Variants in FAM78B observed in about 807,000 individuals in gnomAD.
FAM78B encodes the protein protein FAM78B.
Under a neutral mutation model 20.0 loss-of-function variants are expected in FAM78B, and 10 were observed. That is an observed-to-expected ratio of 0.50 (90% CI 0.31 to 0.85). The LOEUF (loss-of-function observed/expected upper bound fraction) is 0.85. FAM78B is among the 40% of genes least tolerant of loss of function. FAM78B has a pLI of 0.05. For missense variants in FAM78B, 283 were observed against 345.0 expected, an observed-to-expected ratio of 0.82 and a Z score of 1.42; for synonymous variants, 135 against 132.8, an observed-to-expected ratio of 1.02 and a Z score of -0.12.
At chr1:166,131,018 T>C (rs1654855060) in intron 1 of FAM78B, among the ~76,000 whole-genome samples, 1 of 150,240 alleles carries the variant, frequency 6.7e-6, no homozygotes, top group African/African-American at 2.5e-5. Context: ...ACAAGAGTCT[T>C]GTTCAACATG....
At chr1:166,135,412 A>G (rs1655032387) in intron 1 of FAM78B, among the ~76,000 whole-genome samples, 1 of 152,248 alleles carries the variant, frequency 6.6e-6, no homozygotes. Context: ...GGGAGATGGC[A>G]TAGCAGGAAG....
intron 1 of FAM78B, among the ~76,000 whole-genome samples, chr1:166,088,509 C>T (rs1652928486): frequency 6.6e-6 from 1 of 152,158 alleles, no homozygotes; most frequent in South Asian, 2.1e-4. Context: ...GAAGGCTCTC[C>T]TAGGCCTCAG....
chr1:166,117,572 T>C (rs147990093), intron 1 of FAM78B, among the ~76,000 whole-genome samples: 40 of 152,302 alleles, frequency 2.6e-4, no homozygotes, highest in African/African-American at 8.9e-4. Flanking sequence ...GGCACTTATT[T>C]TTCTATGGAT....
chr1:166,116,757 T>C (rs2101764215), intron 1 of FAM78B, among the ~76,000 whole-genome samples: 1 of 152,348 alleles, frequency 6.6e-6, no homozygotes, highest in African/African-American at 2.4e-5. Flanking sequence ...AAATCCCCTT[T>C]CGACTTATGG....
chr1:166,085,414 T>C (rs2101729396), intron 1 of FAM78B, among the ~76,000 whole-genome samples: 1 of 152,318 alleles, frequency 6.6e-6, no homozygotes, highest in East Asian at 1.9e-4. Context: ...TCAAGATCTC[T>C]TCAGATCTTT....
At chr1:166,085,357 T>G (rs1030141958) in intron 1 of FAM78B, among the ~76,000 whole-genome samples, 17 of 152,186 alleles carry the variant, frequency 1.1e-4, no homozygotes, top group Non-Finnish European at 1.9e-4. Flanking sequence ...TCCCTTCCCA[T>G]CTGGACCTAA....
At chr1:166,100,266 C>A (rs1022774988) in intron 1 of FAM78B, among the ~76,000 whole-genome samples, 4 of 152,202 alleles carry the variant, frequency 2.6e-5, no homozygotes, top group African/African-American at 9.7e-5. Flanking sequence ...CCAGCAGGAG[C>A]GATGCAGAAG....
At chr1:166,138,874 T>C (rs1655171727) in intron 1 of FAM78B, among the ~76,000 whole-genome samples, 1 of 152,262 alleles carries the variant, frequency 6.6e-6, no homozygotes, top group East Asian at 1.9e-4. Context: ...ATTTGTTGAA[T>C]GAATTAATAA....
chr1:166,129,127 G>A (rs1380863042), intron 1 of FAM78B, among the ~76,000 whole-genome samples: 1 of 152,218 alleles, frequency 6.6e-6, no homozygotes, highest in African/African-American at 2.4e-5. Flanking sequence ...TGTGTGAGCA[G>A]TGGCAGAAGG....
Position 166,166,059 on chromosome 1 carries a change from C to T in FAM78B, c.190G>A (p.Glu64Lys). 1 of 1,613,934 alleles carries T rather than the reference C, an allele frequency of 6.2e-7. No homozygotes were observed. Residue 64 changes from glutamate to lysine, a missense_variant, in exon 1 of 2, where the codon GAG becomes AAG. By Grantham distance (56) the Glu-to-Lys change is moderately conservative. Coordinates refer to ENST00000354422, the MANE Select transcript of FAM78B (RefSeq NM_001017961.5). ...RVVMPPIPRH[E>K]TWVVGWIQAC... is the part of the protein sequence containing the mutation. ...TGAATCCAGCCCACCACCCAGGTCTCGTGGCGGGGGATGGGGGGCATGACC... is the reference window on the plus strand; with the variant it reads ...TGAATCCAGCCCACCACCCAGGTCTTGTGGCGGGGGATGGGGGGCATGACC...
At chr1:166,057,547 A>G (rs1466158317) in exon 3 of FAM78B, 1 of 152,222 alleles carries the variant, frequency 6.6e-6, no homozygotes, top group Non-Finnish European at 1.5e-5. Context: ...TTTCCTAATT[A>G]AAGTCATTTT....
At chr1:166,111,445 C>T (rs553094729) in intron 1 of FAM78B, among the ~76,000 whole-genome samples, 3 of 152,324 alleles carry the variant, frequency 2.0e-5, no homozygotes, top group East Asian at 3.9e-4. Flanking sequence ...AAGTACAGGG[C>T]TACCTGTTAC....
intron 1 of FAM78B, among the ~76,000 whole-genome samples, chr1:166,092,853 AG>A (rs1653132960): frequency 1.3e-5 from 2 of 152,226 alleles, no homozygotes; most frequent in South Asian, 4.1e-4. Context: ...TGATAAATGA[AG>A]GAATAAGTCA....
At chr1:166,079,829 C>T (rs1260330441) in intron 1 of FAM78B, among the ~76,000 whole-genome samples, 1 of 152,178 alleles carries the variant, frequency 6.6e-6, no homozygotes, top group Non-Finnish European at 1.5e-5. Context: ...TGTATTCATA[C>T]TCCGAAGCCT....
intron 1 of FAM78B, among the ~76,000 whole-genome samples, chr1:166,163,545 G>T (rs1656242809): frequency 6.6e-6 from 1 of 152,178 alleles, no homozygotes; most frequent in Non-Finnish European, 1.5e-5. Flanking sequence ...CCATATTGTG[G>T]TTCATGTGAC....
intron 1 of FAM78B, among the ~76,000 whole-genome samples, chr1:166,161,157 CT>C (rs201739007): frequency 0.027 from 3,979 of 145,000 alleles, 214 homozygotes; most frequent in Admixed American, 0.13. Context: ...GATTTTCTTT[CT>C]TTTTTTTTTT....
chr1:166,109,816 A>ATGTGTG lies in FAM78B; in HGVS notation c.264-39054_264-39053insCACACA, dbSNP rs1307104061. 4.0e-3 allele frequency among the ~76,000 whole-genome samples: 111 copies of ATGTGTG among 27,506 alleles called. 2 individuals are homozygous for ATGTGTG. Among genetic ancestry groups the ATGTGTG allele is most frequent in the African/African-American group, 9.3e-3 (105 of 11,262 alleles). The allele number at this position is 27,506 out of a possible 152,430, so 18.0% of individuals were successfully genotyped here. A position where few individuals can be genotyped will look rare whatever the true frequency, so the allele number is the denominator to read the frequency against. On this transcript the variant is annotated intron_variant, in intron 1 of 1. Coordinates refer to ENST00000354422, the MANE Select transcript of FAM78B (RefSeq NM_001017961.5). ...AACTGTGATATATATGTATATATGT[A>ATGTGTG]TATATATATATATATGTATATATGT...
intron 1 of FAM78B, among the ~76,000 whole-genome samples, chr1:166,134,184 G>T (rs557757125): frequency 1.0e-3 from 159 of 152,188 alleles, no homozygotes; most frequent in African/African-American, 3.7e-3. Context: ...GGAAAATAAG[G>T]CAAAGCAGTC....
At chr1:166,160,907 G>C (rs566317030) in intron 1 of FAM78B, among the ~76,000 whole-genome samples, 1 of 152,178 alleles carries the variant, frequency 6.6e-6, no homozygotes, top group Non-Finnish European at 1.5e-5. Context: ...AGCGCATCTT[G>C]AAGGAAAAGA....
Sources: gnomAD v4.1 joint callset for allele counts (sites outside exome capture counted in the v4.1 genomes callset) on GRCh38, gnomAD v4.1.1 for gene constraint, MANE v1.5 for transcripts, NCBI Gene and HGNC (gene_info 2026-07-23, HGNC 2026-07-21) for gene names.